The following COMMD1 variants were observed in gnomAD, a reference collection of about 807,000 sequenced individuals.
The protein encoded by COMMD1 is COMM domain-containing protein 1.
COMMD1 carries 10 observed loss-of-function variants against 17.2 expected under a neutral mutation model. That is an observed-to-expected ratio of 0.58 (90% CI 0.36 to 0.99). COMMD1 has a LOEUF of 0.99. Ranked by LOEUF, COMMD1 falls within the 50% of genes least tolerant of loss-of-function variation. The pLI, the probability that COMMD1 is intolerant of heterozygous loss-of-function variation, is 0.01. For synonymous variants in COMMD1, 97 were observed against 91.6 expected, an observed-to-expected ratio of 1.06 and a Z score of -0.34; for missense variants, 270 against 231.8, an observed-to-expected ratio of 1.17 and a Z score of -1.07.
intron 2 of COMMD1, among the ~76,000 whole-genome samples, chr2:62,084,319 G>C (rs531840087): frequency 1.1e-3 from 161 of 152,130 alleles, no homozygotes; most frequent in African/African-American, 3.6e-3. Context: ...TTACATAACA[G>C]TTGATTAACA....
intron 1 of COMMD1, among the ~76,000 whole-genome samples, chr2:61,953,854 C>T (rs946429401): frequency 2.0e-4 from 31 of 152,012 alleles, no homozygotes; most frequent in African/African-American, 5.5e-4. Context: ...TTGTGGGTTA[C>T]GTAGTAGGTG....
At chr2:62,006,807 C>T (rs1669134143) in intron 2 of COMMD1, among the ~76,000 whole-genome samples, 1 of 152,114 alleles carries the variant, frequency 6.6e-6, no homozygotes, top group Admixed American at 6.5e-5. Context: ...CCTGGAACTT[C>T]AGTAGAGATT....
chr2:61,929,295 G>A (rs1216270479), intron 1 of COMMD1, among the ~76,000 whole-genome samples: 1 of 152,206 alleles, frequency 6.6e-6, no homozygotes, highest in Non-Finnish European at 1.5e-5. Context: ...TATCTCACAA[G>A]CATGGGCCTC....
chr2:62,023,586 C>T (rs1309982828), intron 2 of COMMD1, among the ~76,000 whole-genome samples: 2 of 151,970 alleles, frequency 1.3e-5, no homozygotes, highest in African/African-American at 4.8e-5. Flanking sequence ...TGGGTTCAAG[C>T]GATTCTCCTG....
At chr2:62,110,656 C>G (rs1242495007) in intron 2 of COMMD1, among the ~76,000 whole-genome samples, 1 of 152,132 alleles carries the variant, frequency 6.6e-6, no homozygotes, top group African/African-American at 2.4e-5. Context: ...ATTAAAGTCT[C>G]TGTGTTAGAT....
At chr2:62,129,001 T>TA (rs1672957789) in intron 2 of COMMD1, among the ~76,000 whole-genome samples, 2 of 149,076 alleles carry the variant, frequency 1.3e-5, no homozygotes, top group Admixed American at 6.7e-5. Flanking sequence ...AAATATCAAA[T>TA]ATTGGTTCTA....
intron 1 of COMMD1, among the ~76,000 whole-genome samples, chr2:61,974,527 G>C (rs769435216): frequency 9.2e-5 from 14 of 151,752 alleles, no homozygotes; most frequent in Admixed American, 5.3e-4. Flanking sequence ...ACAAAAATTA[G>C]CTGGGCATGG....
intron 1 of COMMD1, among the ~76,000 whole-genome samples, chr2:61,897,256 A>G (rs907245884): frequency 4.6e-5 from 7 of 152,254 alleles, no homozygotes; most frequent in Non-Finnish European, 7.3e-5. Context: ...GACCAAGTCC[A>G]TATTTTCACA....
intron 2 of COMMD1, among the ~76,000 whole-genome samples, chr2:62,053,344 T>A (rs961189396): frequency 2.0e-5 from 3 of 152,098 alleles, no homozygotes; most frequent in Non-Finnish European, 4.4e-5. Context: ...TTTGTGGGGT[T>A]TTTTTAGTGT....
At chr2:61,933,911 G>A (rs1270723668) in intron 1 of COMMD1, among the ~76,000 whole-genome samples, 1 of 152,004 alleles carries the variant, frequency 6.6e-6, no homozygotes, top group Admixed American at 6.6e-5. Context: ...TTACAGGCAT[G>A]TGCCACAATA....
At chr2:61,966,303 T>C (rs11677744) in intron 1 of COMMD1, among the ~76,000 whole-genome samples, 44,438 of 152,022 alleles carry the variant, frequency 0.29, 8,328 homozygotes, top group African/African-American at 0.54. Context: ...ATAGTAGGTG[T>C]ACATGAAGTC....
At chr2:62,036,246 C>G (rs1027902019) in intron 2 of COMMD1, among the ~76,000 whole-genome samples, 1 of 152,166 alleles carries the variant, frequency 6.6e-6, no homozygotes, top group African/African-American at 2.4e-5. Context: ...TTCACACTGA[C>G]AAGTTACATA....
At chr2:62,098,095 A>C (rs979752114) in intron 2 of COMMD1, among the ~76,000 whole-genome samples, 1 of 151,406 alleles carries the variant, frequency 6.6e-6, no homozygotes, top group Non-Finnish European at 1.5e-5. Context: ...GCAAACTCCC[A>C]ACTTGGTTTC....
At chr2:61,949,390 C>A (rs553254943) in intron 1 of COMMD1, among the ~76,000 whole-genome samples, 2 of 152,246 alleles carry the variant, frequency 1.3e-5, no homozygotes, top group East Asian at 3.9e-4. Flanking sequence ...AGAGTTCCAG[C>A]CCAACGAGTT....
intron 1 of COMMD1, among the ~76,000 whole-genome samples, 196 bp downstream of exon 1, chr2:61,906,054 C>G (rs1180573222): frequency 6.6e-6 from 1 of 152,214 alleles, no homozygotes; most frequent in Non-Finnish European, 1.5e-5. Flanking sequence ...CTAAGGGGGA[C>G]TTTTTCTGCT....
At chr2:62,066,056 G>T in intron 2 of COMMD1, among the ~76,000 whole-genome samples, 1 of 152,164 alleles carries the variant, frequency 6.6e-6, no homozygotes. Flanking sequence ...CAATCTGGCT[G>T]ATTTTACGCA....
intron 1 of COMMD1, among the ~76,000 whole-genome samples, chr2:61,918,166 A>C (rs1670096774): frequency 6.6e-6 from 1 of 152,180 alleles, no homozygotes; most frequent in Non-Finnish European, 1.5e-5. Context: ...CAACAATAAA[A>C]ATTTATTATC....
At chr2:62,045,362 C>T (rs1165423314) in intron 2 of COMMD1, among the ~76,000 whole-genome samples, 1 of 152,094 alleles carries the variant, frequency 6.6e-6, no homozygotes, top group Non-Finnish European at 1.5e-5. Flanking sequence ...AGTTGTAAAT[C>T]TTGTGACCTC....
At chr2:61,987,847 C>A (rs1465690083) in intron 1 of COMMD1, among the ~76,000 whole-genome samples, 1 of 152,152 alleles carries the variant, frequency 6.6e-6, no homozygotes, top group Non-Finnish European at 1.5e-5. Flanking sequence ...TCTACCTGGT[C>A]CTCTGTTCTG....
Sources: gnomAD v4.1 joint callset for allele counts (sites outside exome capture counted in the v4.1 genomes callset) on GRCh38, gnomAD v4.1.1 for gene constraint, MANE v1.5 for transcripts, NCBI Gene and HGNC (gene_info 2026-07-23, HGNC 2026-07-21) for gene names.